Variants in DNAH14 observed in about 807,000 individuals in gnomAD.
DNAH14 encodes axonemal beta dynein heavy chain 14.
Under a neutral mutation model 520.9 loss-of-function variants are expected in DNAH14, and 478 were observed. The ratio of observed to expected loss-of-function variants is 0.92; its 90% CI spans 0.85 to 0.99. The LOEUF is 0.99. Ranked by LOEUF, DNAH14 falls within the 50% of genes least tolerant of loss-of-function variation. The pLI is 0.00. For synonymous variants in DNAH14, 1,581 were observed against 1,757.2 expected, an observed-to-expected ratio of 0.90 and a Z score of 2.51; for missense variants, 4,831 against 5,234.5, an observed-to-expected ratio of 0.92 and a Z score of 2.38.
At chr1:225,202,227 C>T (rs939281334) in intron 38 of DNAH14, among the ~76,000 whole-genome samples, 5 of 152,122 alleles carry the variant, frequency 3.3e-5, no homozygotes, top group Admixed American at 1.3e-4. Flanking sequence ...TGGGGAGGAA[C>T]AGGCAGTGGG....
intron 72 of DNAH14, among the ~76,000 whole-genome samples, chr1:225,353,196 A>G (rs553140153): frequency 6.6e-6 from 1 of 152,216 alleles, no homozygotes; most frequent in East Asian, 1.9e-4. Context: ...GTAAGTAGAA[A>G]TGATAAGTGT....
At chr1:225,350,030 T>C (rs1174049132) in intron 71 of DNAH14, among the ~76,000 whole-genome samples, 4 of 152,144 alleles carry the variant, frequency 2.6e-5, no homozygotes, top group East Asian at 1.9e-4. Flanking sequence ...ATTCCCCAGA[T>C]AGACCACATG....
At chr1:225,165,750 A>AT (rs1467015545) in intron 35 of DNAH14, among the ~76,000 whole-genome samples, 4 of 151,176 alleles carry the variant, frequency 2.6e-5, no homozygotes, top group Admixed American at 6.6e-5. Flanking sequence ...TTCCCAGCTA[A>AT]TTTTTTTTAT....
intron 17 of DNAH14, among the ~76,000 whole-genome samples, chr1:225,058,017 T>C (rs2069394504): frequency 6.6e-6 from 1 of 152,152 alleles, no homozygotes; most frequent in Non-Finnish European, 1.5e-5. Context: ...TCTGGCAGGC[T>C]TTGGTATCAG....
chr1:225,169,560 G>A (rs2082386981), intron 36 of DNAH14, among the ~76,000 whole-genome samples: 2 of 151,858 alleles, frequency 1.3e-5, no homozygotes, highest in Non-Finnish European at 2.9e-5. Context: ...AGTGAGAAGA[G>A]AAGTTTAGAG....
intron 75 of DNAH14, 108 bp downstream of exon 75, chr1:225,360,999 G>A: frequency 9.8e-7 from 1 of 1,017,296 alleles, no homozygotes; most frequent in Non-Finnish European, 1.4e-6. Flanking sequence ...AAAATAATGT[G>A]CTGAGCCACT....
chr1:225,048,405 G>A (rs1223867024), intron 15 of DNAH14, among the ~76,000 whole-genome samples: 1 of 152,198 alleles, frequency 6.6e-6, no homozygotes, highest in Non-Finnish European at 1.5e-5. Flanking sequence ...GGGAGGCTGA[G>A]GCAGGAGGAC....
At chr1:225,348,595 C>T (rs1425418268) in intron 71 of DNAH14, among the ~76,000 whole-genome samples, 2 of 152,132 alleles carry the variant, frequency 1.3e-5, no homozygotes, top group Non-Finnish European at 2.9e-5. Flanking sequence ...AAAGAAAAAA[C>T]TCTCAACCAA....
chr1:225,100,707 C>T lies in DNAH14; in HGVS notation c.3696-6C>T. 6.8e-7 allele frequency: 1 copy of T among 1,466,314 alleles called. No homozygotes were observed. The highest frequency in any genetic ancestry group is 1.5e-5 in the South Asian group (1 of 67,896). 90.8% of individuals were successfully genotyped at this position (1,466,314 alleles called of 1,614,324 possible). A position where few individuals can be genotyped will look rare whatever the true frequency, so the allele number is the denominator to read the frequency against. On this transcript the variant is annotated splice_region_variant and splice_polypyrimidine_tract_variant and intron_variant, in intron 22 of 85. Coordinates refer to ENST00000682510, the MANE Select transcript of DNAH14 (RefSeq NM_001367479.1). ...AATAAAATGACATCTAATTTTTTTT[C>T]TAAAGGCAACTCCCAGCAGAAACAG...
chr1:225,299,921 A>G (rs190228323), intron 55 of DNAH14, among the ~76,000 whole-genome samples: 49 of 152,304 alleles, frequency 3.2e-4, no homozygotes, highest in Non-Finnish European at 5.9e-4. Context: ...CCCCACCTGA[A>G]CTGAAATACC....
intron 22 of DNAH14, among the ~76,000 whole-genome samples, chr1:225,100,081 A>G (rs2075318277): frequency 6.6e-6 from 1 of 152,198 alleles, no homozygotes; most frequent in African/African-American, 2.4e-5. Context: ...AAATTAATAT[A>G]TTAATGGCTT....
At chr1:225,324,873 C>A in intron 64 of DNAH14, 41 bp downstream of exon 64, 1 of 1,438,998 alleles carries the variant, frequency 6.9e-7, no homozygotes, top group Non-Finnish European at 9.5e-7. Context: ...GACAAAACAC[C>A]AGGACAATGT....
chr1:224,986,456 A>G (rs2062649746), intron 8 of DNAH14, among the ~76,000 whole-genome samples: 2 of 152,164 alleles, frequency 1.3e-5, no homozygotes, highest in African/African-American at 2.4e-5. Context: ...AATGGAATCT[A>G]TCCCGGGGAT....
chr1:225,367,142 T>G (rs1229587993), intron 76 of DNAH14, among the ~76,000 whole-genome samples: 1 of 149,448 alleles, frequency 6.7e-6, no homozygotes, highest in Non-Finnish European at 1.5e-5. Context: ...ATATAAACTG[T>G]GCAAGGAGGG....
chr1:225,371,392 G>A (rs1558550530), intron 77 of DNAH14, among the ~76,000 whole-genome samples: 1 of 151,970 alleles, frequency 6.6e-6, no homozygotes, highest in Non-Finnish European at 1.5e-5. Flanking sequence ...GCCATTTCTA[G>A]TAAAAACCTA....
At chr1:225,248,217 G>T (rs1479337388) in intron 43 of DNAH14, among the ~76,000 whole-genome samples, 1 of 152,106 alleles carries the variant, frequency 6.6e-6, no homozygotes, top group Non-Finnish European at 1.5e-5. Context: ...ATGTATAAAA[G>T]AAGTATTAAA....
At chr1:225,320,390 A>G (rs1162769942) in intron 61 of DNAH14, among the ~76,000 whole-genome samples, 1 of 152,214 alleles carries the variant, frequency 6.6e-6, no homozygotes, top group Non-Finnish European at 1.5e-5. Context: ...TCCCTGCCCT[A>G]GTAGTACTAC....
At chr1:225,267,606 TA>T (rs2093167083) in intron 49 of DNAH14, among the ~76,000 whole-genome samples, 1 of 152,124 alleles carries the variant, frequency 6.6e-6, no homozygotes, top group South Asian at 2.1e-4. Flanking sequence ...GCTTACTTTT[TA>T]AACAAATATA....
chr1:225,061,235 C>G (rs1034668483), intron 17 of DNAH14, among the ~76,000 whole-genome samples: 2 of 152,192 alleles, frequency 1.3e-5, no homozygotes, highest in Non-Finnish European at 2.9e-5. Context: ...CCCCTAGCCT[C>G]ACTGCTGCCT....
Sources: gnomAD v4.1 joint callset for allele counts (sites outside exome capture counted in the v4.1 genomes callset) on GRCh38, gnomAD v4.1.1 for gene constraint, MANE v1.5 for transcripts, NCBI Gene and HGNC (gene_info 2026-07-23, HGNC 2026-07-21) for gene names.